FYN: variants seen among roughly 807,000 people sequenced by gnomAD.
FYN encodes the protein tyrosine-protein kinase Fyn.
A neutral mutation model predicts 70.2 loss-of-function variants in FYN; 10 were observed. That is an observed-to-expected ratio of 0.14 (90% CI 0.09 to 0.24). FYN has a LOEUF of 0.24. FYN is among the 10% of genes least tolerant of loss of function. The pLI is 1.00. For synonymous variants in FYN, 236 were observed against 248.6 expected (o/e 0.95, Z 0.48); for missense variants, 319 against 673.1 (o/e 0.47, Z 5.82).
chr6:111,773,632 A>AGAGGAGG (rs1803588289), intron 3 of FYN, among the ~76,000 whole-genome samples: 1 of 11,572 alleles, frequency 8.6e-5, no homozygotes, highest in Non-Finnish European at 1.3e-4. Context: ...GGGAAAGGAG[A>AGAGGAGG]GGGGGAGGGG....
At chr6:111,674,729 C>T in intron 12 of FYN, 99 bp from the exon 13 acceptor site, 7 of 1,362,458 alleles carry the variant, frequency 5.1e-6, no homozygotes, top group Non-Finnish European at 7.1e-6. Flanking sequence ...TTCCTGAGAG[C>T]AGGTTTAGAG....
chr6:111,708,983 C>G (rs566455155), intron 5 of FYN: 1 of 152,282 alleles, frequency 6.6e-6, no homozygotes, highest in East Asian at 1.9e-4. Context: ...TGTACCTCTT[C>G]CCATTAACAT....
At chr6:111,782,957 G>GAGGTCC (rs1347458458) in intron 2 of FYN, among the ~76,000 whole-genome samples, 1 of 152,152 alleles carries the variant, frequency 6.6e-6, no homozygotes, top group East Asian at 1.9e-4. Context: ...CTTTGCACAT[G>GAGGTCC]AGGTCCAGGA....
intron 2 of FYN, among the ~76,000 whole-genome samples, chr6:111,822,811 A>G (rs1772714118): frequency 6.6e-6 from 1 of 152,172 alleles, no homozygotes; most frequent in Admixed American, 6.5e-5. Context: ...AGGCGAGGGG[A>G]GGACAATGTT....
intron 3 of FYN, among the ~76,000 whole-genome samples, chr6:111,773,679 G>C (rs1472248010): frequency 6.6e-6 from 1 of 150,546 alleles, no homozygotes; most frequent in African/African-American, 2.5e-5. Context: ...GAGGGAGAGG[G>C]AGAAATACAA....
intron 13 of FYN, among the ~76,000 whole-genome samples, chr6:111,667,461 C>T (rs1482038564): frequency 6.6e-6 from 1 of 151,822 alleles, no homozygotes; most frequent in South Asian, 2.1e-4. Context: ...GCTATGTTGC[C>T]CAGGCTGATC....
chr6:111,785,491 A>C (rs1405532684), intron 2 of FYN, among the ~76,000 whole-genome samples: 1 of 152,058 alleles, frequency 6.6e-6, no homozygotes, highest in Non-Finnish European at 1.5e-5. Flanking sequence ...CCCGCTTCCC[A>C]ACACACACAA....
At chr6:111,731,115 A>C (rs558248421) in intron 3 of FYN, among the ~76,000 whole-genome samples, 31 of 152,308 alleles carry the variant, frequency 2.0e-4, no homozygotes, top group African/African-American at 7.5e-4. Flanking sequence ...CTGAGAATGA[A>C]AGCCGAGGAG....
At chr6:111,812,064 G>C (rs1772342717) in intron 2 of FYN, among the ~76,000 whole-genome samples, 1 of 152,222 alleles carries the variant, frequency 6.6e-6, no homozygotes, top group Admixed American at 6.5e-5. Context: ...GAACTGTAGG[G>C]AACTGAATTT....
intron 2 of FYN, among the ~76,000 whole-genome samples, chr6:111,839,074 T>G (rs1773274642): frequency 6.6e-6 from 1 of 152,208 alleles, no homozygotes; most frequent in African/African-American, 2.4e-5. Context: ...TGAACTGAAG[T>G]CCCTGCACAT....
intron 2 of FYN, among the ~76,000 whole-genome samples, chr6:111,799,199 C>T (rs1256037103): frequency 6.6e-6 from 1 of 152,130 alleles, no homozygotes; most frequent in Non-Finnish European, 1.5e-5. Flanking sequence ...CAAAAATAAA[C>T]AAGTTTTTAA....
chr6:111,688,046 CA>C (rs1669563099), intron 12 of FYN, among the ~76,000 whole-genome samples: 1 of 152,044 alleles, frequency 6.6e-6, no homozygotes, highest in Non-Finnish European at 1.5e-5. Flanking sequence ...AAACAAAAAA[CA>C]AACCAAAATA....
intron 2 of FYN, among the ~76,000 whole-genome samples, chr6:111,824,811 GC>G (rs1157181536): frequency 6.6e-6 from 1 of 152,216 alleles, no homozygotes; most frequent in Non-Finnish European, 1.5e-5. Flanking sequence ...TTACCAGGTA[GC>G]CACAAAATGA....
chr6:111,822,937 A>G (rs893955252), intron 2 of FYN, among the ~76,000 whole-genome samples: 1 of 152,148 alleles, frequency 6.6e-6, no homozygotes, highest in African/African-American at 2.4e-5. Flanking sequence ...CATGGCTGCT[A>G]CAGTGGAACA....
intron 3 of FYN, among the ~76,000 whole-genome samples, chr6:111,750,638 C>T: frequency 6.6e-6 from 1 of 151,900 alleles, no homozygotes; most frequent in East Asian, 1.9e-4. Flanking sequence ...TTCCTCTCTC[C>T]TCCTTTCCTC....
At chr6:111,834,803 C>T (rs1020163913) in intron 2 of FYN, among the ~76,000 whole-genome samples, 2 of 152,162 alleles carry the variant, frequency 1.3e-5, no homozygotes, top group Admixed American at 6.5e-5. Flanking sequence ...ATTACTGCTG[C>T]CCCAATTACT....
intron 3 of FYN, among the ~76,000 whole-genome samples, chr6:111,752,851 C>CT (rs1802547732): frequency 1.3e-5 from 2 of 150,560 alleles, no homozygotes; most frequent in Non-Finnish European, 3.0e-5. Context: ...AATAATCTTG[C>CT]TTTAGGAGGG....
At chr6:111,693,856 T>C (rs1799458307) in intron 12 of FYN, among the ~76,000 whole-genome samples, 1 of 152,082 alleles carries the variant, frequency 6.6e-6, no homozygotes, top group South Asian at 2.1e-4. Flanking sequence ...CCCTGACGTC[T>C]CTCTTTACTG....
Position 111,719,789 on chromosome 6 carries a change from G to A in FYN, c.247+16C>T. On this transcript the variant is annotated intron_variant, in intron 4 of 13. Transcript: ENST00000354650. ...TGGCTGCCCCCTCTCTGCACTCTGTGACTTTGGGGGCTTACCTGTTCCTCC... is the reference window on the plus strand; with the variant it reads ...TGGCTGCCCCCTCTCTGCACTCTGTAACTTTGGGGGCTTACCTGTTCCTCC... 6.2e-7 allele frequency: 1 copy of A among 1,612,170 alleles called. No individual in the cohort carries two copies. The highest frequency in any genetic ancestry group is 8.5e-7 in the Non-Finnish European group (1 of 1,178,438).
Sources: allele counts gnomAD v4.1 joint callset (sites outside exome capture counted in the v4.1 genomes callset), GRCh38; gene constraint gnomAD v4.1.1; transcripts MANE v1.5; gene names NCBI Gene and HGNC (gene_info 2026-07-23, HGNC 2026-07-21).